Variants in ZFPM2 observed in about 807,000 individuals in gnomAD.
ZFPM2 encodes zinc finger protein, FOG family member 2, also known as zinc finger protein ZFPM2.
In ZFPM2, 20 loss-of-function variants were observed where a neutral mutation model predicts 98.6. That is an observed-to-expected ratio of 0.20 (90% CI 0.14 to 0.29). ZFPM2 has a LOEUF of 0.29. Among genes scored for constraint, ZFPM2 ranks in the 10% least tolerant of loss-of-function variants. ZFPM2 has a pLI of 1.00. For synonymous variants in ZFPM2, 518 were observed against 502.7 expected, an observed-to-expected ratio of 1.03 and a Z score of -0.41; for missense variants, 1,310 against 1,388.6, an observed-to-expected ratio of 0.94 and a Z score of 0.90.
intron 4 of ZFPM2, among the ~76,000 whole-genome samples, chr8:105,584,325 T>C (rs1437611889): frequency 6.6e-6 from 1 of 152,170 alleles, no homozygotes; most frequent in Non-Finnish European, 1.5e-5. Flanking sequence ...TAGGCCTTTA[T>C]ATCCACAACA....
intron 5 of ZFPM2, among the ~76,000 whole-genome samples, chr8:105,651,945 T>C (rs1434921962): frequency 6.6e-6 from 1 of 152,184 alleles, no homozygotes; most frequent in Non-Finnish European, 1.5e-5. Context: ...CCAGAGAATC[T>C]AGATGAAGAG....
At chr8:105,620,147 A>G (rs911519050) in intron 4 of ZFPM2, among the ~76,000 whole-genome samples, 6 of 152,194 alleles carry the variant, frequency 3.9e-5, no homozygotes, top group Middle Eastern at 3.2e-3. Context: ...CAGTCCCACC[A>G]ACAGTGTAAA....
chr8:105,760,784 C>T (rs900140809), intron 5 of ZFPM2, among the ~76,000 whole-genome samples: 2 of 151,938 alleles, frequency 1.3e-5, no homozygotes, highest in African/African-American at 2.4e-5. Flanking sequence ...TCAACTAAAA[C>T]GAAAACAAGT....
In ZFPM2 at chr8:105,561,385, A is replaced by G; in HGVS notation, c.324A>G (p.Lys108=). ...CAGGAGAGCTGGAGGTGTTTCAGAA[A>G]GATGGGGAACGAAAAATTCAGAGTC... ...DGPGELEVFQ[K]DGERKIQSRQ... The change falls in exon 4 of 8, where the codon AAA becomes AAG. Residue 108 remains lysine (K), a synonymous_variant. Transcript: ENST00000407775. 6.2e-7 allele frequency: 1 copy of G among 1,613,590 alleles called. No individual in the cohort carries two copies. Among genetic ancestry groups the G allele is most frequent in the Non-Finnish European group, 8.5e-7 (1 of 1,179,664 alleles).
At chr8:105,345,767 A>T (rs2129685361) in intron 1 of ZFPM2, among the ~76,000 whole-genome samples, 1 of 152,278 alleles carries the variant, frequency 6.6e-6, no homozygotes, top group Middle Eastern at 3.4e-3. Context: ...TAAGATTGTT[A>T]TAATCCCAGA....
intron 1 of ZFPM2, among the ~76,000 whole-genome samples, chr8:105,380,736 T>TG: frequency 2.4e-5 from 1 of 41,946 alleles, no homozygotes; most frequent in Non-Finnish European, 3.7e-5. Flanking sequence ...AACATATATA[T>TG]TATATATATA....
chr8:105,551,315 T>G (rs1344794926), intron 3 of ZFPM2, among the ~76,000 whole-genome samples: 4 of 152,196 alleles, frequency 2.6e-5, no homozygotes, highest in Non-Finnish European at 1.5e-5. Flanking sequence ...ATTTGAAGTG[T>G]GCTGGCAGTA....
chr8:105,723,901 TCTC>T (rs1281420279), intron 5 of ZFPM2, among the ~76,000 whole-genome samples: 1 of 151,818 alleles, frequency 6.6e-6, no homozygotes, highest in Non-Finnish European at 1.5e-5. Flanking sequence ...AGATATTCTT[TCTC>T]CTCAATGATT....
intron 5 of ZFPM2, among the ~76,000 whole-genome samples, chr8:105,640,648 C>T (rs1816932628): frequency 6.6e-6 from 1 of 151,936 alleles, no homozygotes; most frequent in Non-Finnish European, 1.5e-5. Context: ...ATTAAATTTT[C>T]AAAACAAATG....
intron 1 of ZFPM2, among the ~76,000 whole-genome samples, chr8:105,331,051 G>A (rs886491435): frequency 1.3e-5 from 2 of 150,542 alleles, no homozygotes; most frequent in African/African-American, 4.9e-5. Context: ...ATATTATAGA[G>A]TATCTAATAC....
Position 105,737,756 on chromosome 8 carries a change from T to C in ZFPM2, c.533-50962T>C, listed in dbSNP as rs566573375. ...ATTTTGATTTTGTTGGGATTCACCTTGAGCAGCATGGTGGAGGCAGTTACT... is the reference window on the plus strand; with the variant it reads ...ATTTTGATTTTGTTGGGATTCACCTCGAGCAGCATGGTGGAGGCAGTTACT... On this transcript the variant is annotated intron_variant, in intron 5 of 7. Transcript: ENST00000407775. The C allele has an allele frequency of 3.3e-5, 5 of 152,164 alleles. No homozygotes were observed. The South Asian group carries it at 1.0e-3, about 32-fold the overall frequency. 9.4% of individuals were successfully genotyped at this position (152,164 alleles called of 1,614,324 possible). A position where few individuals can be genotyped will look rare whatever the true frequency, so the allele number is the denominator to read the frequency against.
intron 3 of ZFPM2, among the ~76,000 whole-genome samples, chr8:105,488,182 C>G (rs1813273729): frequency 6.6e-6 from 1 of 152,136 alleles, no homozygotes; most frequent in Non-Finnish European, 1.5e-5. Flanking sequence ...GTTTCAAATG[C>G]AAGTGAACAA....
At chr8:105,443,154 C>CA in intron 2 of ZFPM2, among the ~76,000 whole-genome samples, 1 of 151,536 alleles carries the variant, frequency 6.6e-6, no homozygotes, top group Admixed American at 6.6e-5. Flanking sequence ...ACTAAAAATA[C>CA]AAAAATTAGC....
At position 105,802,728 on chromosome 8, in the gene ZFPM2, T is replaced by C; in HGVS notation, c.2646T>C (p.His882=). 6.2e-7 allele frequency: 1 copy of C among 1,613,222 alleles called. No homozygotes were observed. Among genetic ancestry groups the C allele is most frequent in the African/African-American group, 1.3e-5 (1 of 75,030 alleles). The change falls in exon 8 of 8, where the codon CAT becomes CAC. Residue 882 remains histidine, a synonymous_variant. Coordinates refer to ENST00000407775, the MANE Select transcript of ZFPM2 (RefSeq NM_012082.4). ...HKQNFCPVTA[H]QRNDLGQLDG... is the part of the protein sequence containing the mutation. ...AGAATTTCTGCCCGGTTACTGCACATCAGCGTAATGACCTGGGTCAACTGG... is the reference window on the plus strand; with the variant it reads ...AGAATTTCTGCCCGGTTACTGCACACCAGCGTAATGACCTGGGTCAACTGG...
chr8:105,626,004 G>A (rs1409116631), intron 4 of ZFPM2, among the ~76,000 whole-genome samples: 2 of 151,168 alleles, frequency 1.3e-5, no homozygotes, highest in African/African-American at 2.4e-5. Flanking sequence ...GAAAGAGGGA[G>A]GGAGGGAAGG....
intron 1 of ZFPM2, among the ~76,000 whole-genome samples, chr8:105,337,278 TG>T (rs1812346096): frequency 6.6e-6 from 1 of 151,820 alleles, no homozygotes; most frequent in Non-Finnish European, 1.5e-5. Context: ...TTCACACTGC[TG>T]CAGGGGTAAG....
rs1242131976 is a variant in ZFPM2 at position 105,480,814 on chromosome 8, G to A, written c.301+36433G>A. ...CTCCCAGTCTGGAGTACTGTGGCAG[G>A]ATCTCGGCTCACTGCAAGCTCCACC... On this transcript the variant is annotated intron_variant, in intron 3 of 7. Transcript: ENST00000407775. Among the ~76,000 whole-genome samples the A allele has an allele frequency of 2.6e-5, 4 of 151,276 alleles. No homozygotes were observed. The South Asian group carries it at 6.3e-4, about 24-fold the overall frequency.
At chr8:105,790,369 G>C (rs2344715) in intron 6 of ZFPM2, among the ~76,000 whole-genome samples, 34 of 152,082 alleles carry the variant, frequency 2.2e-4, no homozygotes, top group East Asian at 5.8e-4. Flanking sequence ...TTGTTTTTCT[G>C]AGGTTTGTCA....
intron 3 of ZFPM2, among the ~76,000 whole-genome samples, chr8:105,489,466 A>ATATATATATATAT (rs1554610604): frequency 1.7e-5 from 2 of 119,810 alleles, no homozygotes; most frequent in African/African-American, 7.2e-5. Context: ...ATATATATAT[A>ATATATATATATAT]TTTTTTTTTT....
Sources: gnomAD v4.1 joint callset for allele counts (sites outside exome capture counted in the v4.1 genomes callset) on GRCh38, gnomAD v4.1.1 for gene constraint, MANE v1.5 for transcripts, NCBI Gene and HGNC (gene_info 2026-07-23, HGNC 2026-07-21) for gene names.